Variants in ZNF317 observed in about 807,000 individuals in gnomAD.
The protein encoded by ZNF317 is zinc finger protein 317.
A neutral mutation model predicts 23.4 loss-of-function variants in ZNF317; 17 were observed. The ratio of observed to expected loss-of-function variants is 0.73; its 90% CI spans 0.50 to 1.09. ZNF317 has a LOEUF of 1.09. Among genes scored for constraint, ZNF317 ranks in the 50% least tolerant of loss-of-function variants. The pLI is 0.00. For missense variants in ZNF317, 679 were observed against 796.7 expected (o/e 0.85, Z 1.78); for synonymous variants, 317 against 314.9 (o/e 1.01, Z -0.07).
In ZNF317 at chr19:9,156,703, C is replaced by A. The variant is rs764875500; in HGVS notation, c.117C>A (p.Phe39Leu). Residue 39 changes from phenylalanine to leucine, a missense_variant, in exon 3 of 7, where the codon TTC becomes TTA. Transcript: ENST00000247956. ...DHSCPQNLDLFVCSGLEPHTP... is the reference protein window; with the variant it reads ...DHSCPQNLDLLVCSGLEPHTP... ...CCTGTCCCCAGAATTTGGACCTGTT[C>A]GTGTGCAGTGGTCTGGAGCCTCACA... The A allele has an allele frequency of 2.5e-6, 4 of 1,614,158 alleles. No homozygotes were observed. In the South Asian group the frequency reaches 4.4e-5, roughly 18 times the overall value.
chr19:9,148,020 C>T (rs964747848), intron 1 of ZNF317, among the ~76,000 whole-genome samples: 6 of 152,096 alleles, frequency 3.9e-5, no homozygotes, highest in African/African-American at 1.4e-4. Context: ...GTGGCACCTC[C>T]TCCCAACCCT....
chr19:9,160,546 A>G lies in ZNF317; in HGVS notation c.901A>G (p.Thr301Ala). Residue 301 changes from threonine to alanine, a missense_variant, in exon 7 of 7, where the codon ACT becomes GCT. By Grantham distance (58) the Thr-to-Ala change is moderately conservative. Coordinates refer to ENST00000247956, the MANE Select transcript of ZNF317 (RefSeq NM_020933.5). The surrounding 1 kb of genome is among the most constrained non-coding windows in gnomAD (Gnocchi z 6.8). ...SALKIHMRVH[T>A]GERPYKCDQC... ...CCTGAAAATCCACATGCGAGTTCAC[A>G]CTGGCGAGAGGCCTTACAAGTGTGA... The G allele has an allele frequency of 3.1e-6, 5 of 1,614,186 alleles. No individual in the cohort carries two copies. Among genetic ancestry groups the G allele is most frequent in the Non-Finnish European group, 4.2e-6 (5 of 1,180,048 alleles).
chr19:9,141,498 G>A (rs1014982266), intron 1 of ZNF317, among the ~76,000 whole-genome samples: 6 of 152,130 alleles, frequency 3.9e-5, no homozygotes, highest in African/African-American at 1.2e-4. Flanking sequence ...GAACTCAGGC[G>A]CTTCAGTATT....
intron 1 of ZNF317, among the ~76,000 whole-genome samples, chr19:9,151,876 G>C (rs1414740490): frequency 6.6e-6 from 1 of 150,818 alleles, no homozygotes. Context: ...ATGTTTGGTA[G>C]GGTTCACCAG....
In ZNF317 at chr19:9,140,455, A is replaced by AG. The variant is rs1474296205; in HGVS notation, c.-226dup. 3 of 454,652 alleles carry AG rather than the reference A, an allele frequency of 6.6e-6. No homozygotes were observed. Among genetic ancestry groups the AG allele is most frequent in the African/African-American group, 6.0e-5 (3 of 49,892 alleles). The allele number at this position is 454,652 out of a possible 1,614,324, so 28.2% of individuals were successfully genotyped here. On this transcript the variant is annotated 5_prime_UTR_variant, in exon 1 of 7. It introduces an in-frame stop codon into an upstream open reading frame of the 5' UTR. Coordinates refer to ENST00000247956, the MANE Select transcript of ZNF317 (RefSeq NM_020933.5). The stretch of plus-strand genomic sequence containing the variant: ...TTGCCCCGAGACACATGGGCCAAGG[A>AG]GGGGTCAGCGGCGAATTCTTTCGGC...
chr19:9,159,025 T>C, intron 6 of ZNF317, 117 bp downstream of exon 6: 2 of 690,998 alleles, frequency 2.9e-6, no homozygotes, highest in Non-Finnish European at 5.1e-6. Flanking sequence ...GAGGAGACTG[T>C]GTTTCAGAGA....
chr19:9,145,139 G>A (rs922365270), intron 1 of ZNF317, among the ~76,000 whole-genome samples: 1 of 152,062 alleles, frequency 6.6e-6, no homozygotes, highest in African/African-American at 2.4e-5. Context: ...CTGCCTCCTG[G>A]GTTCCAGCAA....
At chr19:9,152,261 G>C (rs2050742361) in intron 1 of ZNF317, among the ~76,000 whole-genome samples, 1 of 152,044 alleles carries the variant, frequency 6.6e-6, no homozygotes, top group Non-Finnish European at 1.5e-5. Context: ...TCTTGTTATA[G>C]GTCTCTCAAT....
intron 4 of ZNF317, 82 bp from the exon 5 acceptor site, chr19:9,157,898 C>T (rs1376913880): frequency 6.7e-7 from 1 of 1,482,624 alleles, no homozygotes; most frequent in Non-Finnish European, 9.0e-7. Context: ...ACACTGAAGA[C>T]CCAAGTGTTG....
In ZNF317 at chr19:9,160,153, C is replaced by T; in HGVS notation, c.508C>T (p.His170Tyr). ...GLGEKSTEYA[H>Y]LFEVFGMDPH... is the part of the protein sequence containing the mutation. ...TGGAGAGAAGTCCACTGAATACGCT[C>T]ACTTGTTCGAAGTCTTTGGCATGGA... Residue 170 changes from histidine (H) to tyrosine (Y), a missense_variant, in exon 7 of 7, where the codon CAC becomes TAC. Transcript: ENST00000247956. This position sits in a 1 kb window ranked among gnomAD's most constrained non-coding sequence, Gnocchi z 6.8. 6.2e-7 allele frequency: 1 copy of T among 1,614,176 alleles called. No individual in the cohort carries two copies. The highest frequency in any genetic ancestry group is 8.5e-7 in the Non-Finnish European group (1 of 1,180,042).
rs1260701971 is a variant in ZNF317, at chr19:9,140,581, A to G, written c.-104A>G. On this transcript the variant is annotated 5_prime_UTR_variant, in exon 1 of 7. Transcript: ENST00000247956. ...CCGTCACCTCCGCTCCCCCGATCCTATTCCCAGTCGTGTAAGCCCTGCTTT... is the reference window on the plus strand; with the variant it reads ...CCGTCACCTCCGCTCCCCCGATCCTGTTCCCAGTCGTGTAAGCCCTGCTTT... The G allele has an allele frequency of 4.4e-6, 2 of 456,262 alleles. No homozygotes were observed. The highest frequency in any genetic ancestry group is 8.8e-6 in the Non-Finnish European group (2 of 226,904). 28.3% of individuals were successfully genotyped at this position (456,262 alleles called of 1,614,324 possible).
intron 6 of ZNF317, among the ~76,000 whole-genome samples, chr19:9,159,214 G>A (rs924563196): frequency 1.3e-5 from 2 of 152,112 alleles, no homozygotes; most frequent in Non-Finnish European, 2.9e-5. Context: ...TAGTTTTGGT[G>A]GTGTTTATTT....
Position 9,161,648 on chromosome 19 carries a change from G to A in ZNF317, c.*215G>A, listed in dbSNP as rs984532874. 5.1e-6 allele frequency: 3 copies of A among 591,492 alleles called. No homozygotes were observed. The highest frequency in any genetic ancestry group is 5.7e-6 in the Non-Finnish European group (2 of 348,060). 36.6% of individuals were successfully genotyped at this position (591,492 alleles called of 1,614,324 possible). On this transcript the variant is annotated 3_prime_UTR_variant, in exon 7 of 7. Transcript: ENST00000247956. This position sits in a 1 kb window ranked among gnomAD's most constrained non-coding sequence, Gnocchi z 4.0. Reference sequence around the variant, plus strand: ...CCGGGGGTGAAAATGTACGTCTGTAGCATGGAGAAGCCTTCAGGGTACATT... The same window carrying A: ...CCGGGGGTGAAAATGTACGTCTGTAACATGGAGAAGCCTTCAGGGTACATT...
In ZNF317 at chr19:9,161,471, G is replaced by A. The variant is rs552148193; in HGVS notation, c.*38G>A. The A allele has an allele frequency of 2.7e-5, 42 of 1,573,454 alleles. No homozygotes were observed. The East Asian group carries it at 4.5e-4, about 17-fold the overall frequency. On this transcript the variant is annotated 3_prime_UTR_variant, in exon 7 of 7. Coordinates refer to ENST00000247956, the MANE Select transcript of ZNF317 (RefSeq NM_020933.5). This position sits in a 1 kb window ranked among gnomAD's most constrained non-coding sequence, Gnocchi z 4.0. ...TAGAGACACAGGATGATTCAGACCG[G>A]AAACAGACCTCGTGGGTGTAAGAGG...
At position 9,162,666 on chromosome 19, in the gene ZNF317, T is replaced by C. The variant is rs1377537573; in HGVS notation, c.*1233T>C. On this transcript the variant is annotated 3_prime_UTR_variant, in exon 7 of 7. Transcript: ENST00000247956. Reference sequence around the variant, plus strand: ...GCCCCGTTCATAAATTTTTCATCTTTATTTTTAAGGTTATACTCCTCTAAA... The same window carrying C: ...GCCCCGTTCATAAATTTTTCATCTTCATTTTTAAGGTTATACTCCTCTAAA... 3 of 152,114 alleles carry C rather than the reference T, an allele frequency of 2.0e-5. No homozygotes were observed. The highest frequency in any genetic ancestry group is 4.4e-5 in the Non-Finnish European group (3 of 68,032). 9.4% of individuals were successfully genotyped at this position (152,114 alleles called of 1,614,324 possible).
At chr19:9,148,413 C>T (rs1207541891) in intron 1 of ZNF317, among the ~76,000 whole-genome samples, 1 of 152,300 alleles carries the variant, frequency 6.6e-6, no homozygotes, top group Admixed American at 6.5e-5. Flanking sequence ...CTTTGTCCTT[C>T]ATGGAGGGTG....
At position 9,147,993 on chromosome 19, in the gene ZNF317, C is replaced by T. The variant is rs552623418; in HGVS notation, c.-93+7401C>T. Reference sequence around the variant, plus strand: ...ATGGCGGGTGAGTTCTCCTGAGATCCGGTCATTTACACGTGTGTGGCACCT... The same window carrying T: ...ATGGCGGGTGAGTTCTCCTGAGATCTGGTCATTTACACGTGTGTGGCACCT... On this transcript the variant is annotated intron_variant, in intron 1 of 6. Transcript: ENST00000247956. 1.2e-4 allele frequency among the ~76,000 whole-genome samples: 18 copies of T among 152,168 alleles called. No homozygotes were observed. The East Asian group carries it at 2.1e-3, about 18-fold the overall frequency.
chr19:9,160,482 C>T lies in ZNF317; in HGVS notation c.837C>T (p.Asp279=). 1 of 1,614,094 alleles carries T rather than the reference C, an allele frequency of 6.2e-7. No individual in the cohort carries two copies. ...ARTHLKEKPF[D]CSQCGNAFRT... is the part of the protein sequence containing the mutation. ...CTCACCTCAAAGAGAAGCCCTTTGA[C>T]TGCAGTCAGTGTGGAAATGCATTCC... The change falls in exon 7 of 7, where the codon GAC becomes GAT. Residue 279 remains aspartate, a synonymous_variant. Coordinates refer to ENST00000247956, the MANE Select transcript of ZNF317 (RefSeq NM_020933.5). This position sits in a 1 kb window ranked among gnomAD's most constrained non-coding sequence, Gnocchi z 6.8.
At chr19:9,141,295 C>A (rs191081413) in intron 1 of ZNF317, among the ~76,000 whole-genome samples, 1 of 152,244 alleles carries the variant, frequency 6.6e-6, no homozygotes, top group African/African-American at 2.4e-5. Context: ...CGCAGACTTA[C>A]ACACACTTAA....
Sources: allele counts gnomAD v4.1 joint callset (sites outside exome capture counted in the v4.1 genomes callset), GRCh38; gene constraint gnomAD v4.1.1; non-coding constraint Gnocchi (gnomAD v3.1); transcripts MANE v1.5; gene names NCBI Gene and HGNC (gene_info 2026-07-23, HGNC 2026-07-21).